GFOD1: variants seen among roughly 807,000 people sequenced by gnomAD.
GFOD1 encodes glucose-fructose oxidoreductase domain-containing protein 1.
Under a neutral mutation model 25.4 loss-of-function variants are expected in GFOD1, and 9 were observed. The observed-to-expected ratio is 0.35, with a 90% CI of 0.21 to 0.62. GFOD1 has a LOEUF of 0.62. Ranked by LOEUF, GFOD1 falls within the 20% of genes least tolerant of loss-of-function variation. GFOD1 has a pLI of 0.72. For missense variants in GFOD1, 403 were observed against 556.9 expected (o/e 0.72, Z 2.78); for synonymous variants, 253 against 245.6 (o/e 1.03, Z -0.28).
At chr6:13,447,191 G>T (rs1198088317) in intron 1 of GFOD1, among the ~76,000 whole-genome samples, 1 of 152,166 alleles carries the variant, frequency 6.6e-6, no homozygotes, top group Non-Finnish European at 1.5e-5. Context: ...ATGAAGGTGT[G>T]GGCAGGGCTG....
rs368758101 is a variant in GFOD1 at position 13,409,153 on chromosome 6, G to GAGAGA, written c.254-43492_254-43491insTCTCT. On this transcript the variant is annotated intron_variant, in intron 1 of 1. Transcript: ENST00000379287. ...AGAAAGAAAGAAAGAAAGAAAGAGA[G>GAGAGA]GAAAGAAAGAAAGGAAAGAGAGAGA... Among the ~76,000 whole-genome samples, 37 of 44,504 alleles carry GAGAGA rather than the reference G, an allele frequency of 8.3e-4. 1 individual carries two copies. The highest frequency in any genetic ancestry group is 3.0e-3 in the East Asian group (5 of 1,646). The allele number at this position is 44,504 out of a possible 152,430, so 29.2% of individuals were successfully genotyped here.
At chr6:13,486,570 G>A in intron 1 of GFOD1, 68 bp downstream of exon 1, 1 of 1,338,288 alleles carries the variant, frequency 7.5e-7, no homozygotes, top group South Asian at 1.3e-5. Context: ...GAAAGGCAGG[G>A]GGGAAGGAAC....
intron 1 of GFOD1, among the ~76,000 whole-genome samples, chr6:13,425,209 C>A (rs1786331407): frequency 6.6e-6 from 1 of 152,142 alleles, no homozygotes; most frequent in South Asian, 2.1e-4. Flanking sequence ...ATCCTCCCAC[C>A]TCAGCTTTCC....
chr6:13,374,413 C>G (rs1785217110), intron 1 of GFOD1, among the ~76,000 whole-genome samples: 1 of 151,548 alleles, frequency 6.6e-6, no homozygotes, highest in South Asian at 2.1e-4. Context: ...AAGCCATTCT[C>G]CTGCTCAGTC....
intron 1 of GFOD1, among the ~76,000 whole-genome samples, chr6:13,409,546 G>C (rs1157986305): frequency 6.6e-6 from 1 of 152,190 alleles, no homozygotes; most frequent in Non-Finnish European, 1.5e-5. Context: ...AGATTTACAA[G>C]CAGAAATAAT....
At chr6:13,453,036 G>C (rs934311838) in intron 1 of GFOD1, among the ~76,000 whole-genome samples, 2 of 152,200 alleles carry the variant, frequency 1.3e-5, no homozygotes, top group African/African-American at 4.8e-5. Flanking sequence ...CACATGCCGG[G>C]AAAGAAGATA....
intron 1 of GFOD1, among the ~76,000 whole-genome samples, chr6:13,447,377 G>A (rs775871763): frequency 1.3e-5 from 2 of 152,194 alleles, no homozygotes; most frequent in Middle Eastern, 3.4e-3. Context: ...AAGAACATCC[G>A]ACATGGTGTA....
chr6:13,417,724 C>T (rs1786186057), intron 1 of GFOD1, among the ~76,000 whole-genome samples: 1 of 152,222 alleles, frequency 6.6e-6, no homozygotes, highest in South Asian at 2.1e-4. Context: ...CCAGGAATGG[C>T]TTCTCGTAAG....
In GFOD1 at chr6:13,445,523, A is replaced by T. The variant is rs530889544; in HGVS notation, c.253+41115T>A. Reference sequence around the variant, plus strand: ...ATTATCCAGAGCCAAGGACAAACAGATCTCGTCATTTGGCAATGCCTGGCT... The same window carrying T: ...ATTATCCAGAGCCAAGGACAAACAGTTCTCGTCATTTGGCAATGCCTGGCT... On this transcript the variant is annotated intron_variant, in intron 1 of 1. Transcript: ENST00000379287. 4.6e-5 allele frequency among the ~76,000 whole-genome samples: 7 copies of T among 152,296 alleles called. No individual in the cohort carries two copies. The South Asian group carries it at 1.5e-3, about 32-fold the overall frequency.
intron 1 of GFOD1, among the ~76,000 whole-genome samples, chr6:13,460,846 A>AT (rs989894276): frequency 6.6e-6 from 1 of 152,124 alleles, no homozygotes; most frequent in African/African-American, 2.4e-5. Flanking sequence ...ATAAAATAAC[A>AT]TTTTTTTAAA....
intron 1 of GFOD1, among the ~76,000 whole-genome samples, chr6:13,385,470 G>A (rs985434618): frequency 4.6e-5 from 7 of 152,328 alleles, no homozygotes; most frequent in African/African-American, 1.7e-4. Flanking sequence ...TGGCTGTTCT[G>A]CTGGGGCTGT....
chr6:13,462,156 G>C (rs1050272483), intron 1 of GFOD1, among the ~76,000 whole-genome samples: 1 of 152,188 alleles, frequency 6.6e-6, no homozygotes, highest in Non-Finnish European at 1.5e-5. Flanking sequence ...AAATACCATG[G>C]GGTTTGCATT....
At chr6:13,376,698 C>T (rs1478390254) in intron 1 of GFOD1, among the ~76,000 whole-genome samples, 5 of 152,304 alleles carry the variant, frequency 3.3e-5, no homozygotes, top group South Asian at 2.1e-4. Context: ...CCTAGAATGG[C>T]GGTCAGCCTG....
intron 1 of GFOD1, among the ~76,000 whole-genome samples, chr6:13,435,179 A>C (rs1322035787): frequency 6.6e-6 from 1 of 152,166 alleles, no homozygotes. Flanking sequence ...AAGAAACAAC[A>C]AGCAATGGAA....
intron 1 of GFOD1, among the ~76,000 whole-genome samples, chr6:13,447,916 C>T (rs2127573242): frequency 6.6e-6 from 1 of 152,014 alleles, no homozygotes; most frequent in East Asian, 1.9e-4. Flanking sequence ...GGAACTCTAT[C>T]CTGAGGGTGA....
intron 1 of GFOD1, chr6:13,470,403 T>C: frequency 6.5e-7 from 1 of 1,549,648 alleles, no homozygotes; most frequent in South Asian, 1.2e-5. Context: ...AGGCTGCCTC[T>C]GTGCCCTGGA....
chr6:13,470,876 C>T (rs1758487930), intron 1 of GFOD1, among the ~76,000 whole-genome samples: 1 of 152,194 alleles, frequency 6.6e-6, no homozygotes, highest in African/African-American at 2.4e-5. Context: ...CAAGCCCCCA[C>T]AAGCTGGAAC....
chr6:13,476,743 T>C (rs74870020), intron 1 of GFOD1, among the ~76,000 whole-genome samples: 1,804 of 152,358 alleles, frequency 0.012, 29 homozygotes, highest in African/African-American at 0.041. Context: ...AATTAGAGAC[T>C]GGAAAATTTT....
intron 1 of GFOD1, among the ~76,000 whole-genome samples, chr6:13,374,267 T>TGTGTGTG (rs1554199393): frequency 0.02 from 2,674 of 133,696 alleles, 40 homozygotes; most frequent in East Asian, 0.033. Flanking sequence ...AAAATATGTT[T>TGTGTGTG]TTTTTTTGTG....
Sources: gnomAD v4.1 joint callset for allele counts (sites outside exome capture counted in the v4.1 genomes callset) on GRCh38, gnomAD v4.1.1 for gene constraint, MANE v1.5 for transcripts, NCBI Gene and HGNC (gene_info 2026-07-23, HGNC 2026-07-21) for gene names.